SPMAP2L: variants seen among roughly 807,000 people sequenced by gnomAD.
SPMAP2L encodes the protein sperm microtubule associated protein 2 like.
the SPMAP2L span, among the ~76,000 whole-genome samples, chr4:56,546,199 G>A: frequency 6.6e-6 from 1 of 152,148 alleles, no homozygotes; most frequent in Non-Finnish European, 1.5e-5. Context: ...ACTGTGCAGA[G>A]TGCTTTCCTT....
At chr4:56,536,396 C>T in the SPMAP2L span, among the ~76,000 whole-genome samples, 1 of 152,218 alleles carries the variant, frequency 6.6e-6, no homozygotes, top group African/African-American at 2.4e-5. Flanking sequence ...AATAACTTGT[C>T]ATCTCCTTTT....
the SPMAP2L span, among the ~76,000 whole-genome samples, chr4:56,579,467 T>A: frequency 7.1e-6 from 1 of 140,738 alleles, no homozygotes; most frequent in Non-Finnish European, 1.5e-5. Flanking sequence ...TAGCTGTAAA[T>A]GCCTATATTA....
the SPMAP2L span, among the ~76,000 whole-genome samples, chr4:56,565,139 T>C: frequency 6.6e-6 from 1 of 152,220 alleles, no homozygotes; most frequent in African/African-American, 2.4e-5. Context: ...TATTTTGCTG[T>C]AATGGGTAAA....
chr4:56,603,362 C>G, the SPMAP2L span: 9 of 1,415,724 alleles, frequency 6.4e-6, no homozygotes, highest in South Asian at 9.1e-5. Context: ...GGTTATGTAT[C>G]TAGAACACAT....
the SPMAP2L span, among the ~76,000 whole-genome samples, chr4:56,589,298 A>G: frequency 5.9e-5 from 9 of 152,182 alleles, no homozygotes; most frequent in South Asian, 1.7e-3. Context: ...GTATGTGCCT[A>G]TTTTTATACC....
At chr4:56,580,339 A>G in the SPMAP2L span, among the ~76,000 whole-genome samples, 109 of 152,162 alleles carry the variant, frequency 7.2e-4, no homozygotes, top group Non-Finnish European at 7.4e-4. Flanking sequence ...AATCAAAGCA[A>G]TACACTAAAT....
At chr4:56,559,805 G>A in the SPMAP2L span, among the ~76,000 whole-genome samples, 5 of 152,134 alleles carry the variant, frequency 3.3e-5, no homozygotes, top group Admixed American at 2.6e-4. Context: ...CTGACATTGT[G>A]ACCTGCCTGC....
chr4:56,565,147 A>G, the SPMAP2L span, among the ~76,000 whole-genome samples: 1 of 152,208 alleles, frequency 6.6e-6, no homozygotes, highest in Middle Eastern at 3.2e-3. Flanking sequence ...TGTAATGGGT[A>G]AAGTGTTCTA....
chr4:56,613,412 T>G, the SPMAP2L span, among the ~76,000 whole-genome samples: 2 of 152,008 alleles, frequency 1.3e-5, no homozygotes, highest in Non-Finnish European at 2.9e-5. Context: ...TGGCTTGGTA[T>G]GGTGGGGAGC....
the SPMAP2L span, among the ~76,000 whole-genome samples, chr4:56,543,638 G>A: frequency 6.6e-6 from 1 of 152,016 alleles, no homozygotes; most frequent in Non-Finnish European, 1.5e-5. Flanking sequence ...GTTGCAGTGA[G>A]CCAATTGCGC....
the SPMAP2L span, among the ~76,000 whole-genome samples, chr4:56,583,326 T>C: frequency 6.6e-6 from 1 of 151,864 alleles, no homozygotes; most frequent in African/African-American, 2.4e-5. Flanking sequence ...GGCCAATCCA[T>C]AGATCCAAAT....
the SPMAP2L span, among the ~76,000 whole-genome samples, chr4:56,566,790 G>A: frequency 7.3e-6 from 1 of 136,200 alleles, no homozygotes; most frequent in South Asian, 2.4e-4. Flanking sequence ...TCCGCCTCCC[G>A]GGTTCAAGCG....
the SPMAP2L span, among the ~76,000 whole-genome samples, chr4:56,545,204 A>T: frequency 0.024 from 3,670 of 152,252 alleles, 145 homozygotes; most frequent in African/African-American, 0.077. Context: ...CCTGGTAGAA[A>T]GCTCTGATAC....
chr4:56,619,783 T>C, the SPMAP2L span, among the ~76,000 whole-genome samples: 41,021 of 152,022 alleles, frequency 0.27, 7,526 homozygotes, highest in African/African-American at 0.52. Flanking sequence ...GAAAAGGCAA[T>C]CCGTGAAGTG....
the SPMAP2L span, among the ~76,000 whole-genome samples, chr4:56,573,732 T>C: frequency 1.3e-5 from 2 of 151,982 alleles, no homozygotes; most frequent in South Asian, 4.1e-4. Context: ...TGGGTGTGGG[T>C]AGGTGAGTCA....
chr4:56,596,537 T>C, the SPMAP2L span: 2 of 1,533,108 alleles, frequency 1.3e-6, no homozygotes, highest in Non-Finnish European at 8.7e-7. Context: ...CTGAGTGCGA[T>C]TGCAACTCCA....
At chr4:56,620,180 A>G in the SPMAP2L span, among the ~76,000 whole-genome samples, 1 of 152,354 alleles carries the variant, frequency 6.6e-6, no homozygotes, top group South Asian at 2.1e-4. Flanking sequence ...CAAGGAAAGG[A>G]AAGTCAGGAC....
At chr4:56,595,339 A>G in the SPMAP2L span, 4 of 1,609,084 alleles carry the variant, frequency 2.5e-6, no homozygotes, top group South Asian at 3.3e-5. Context: ...CGCCCCTATC[A>G]TGCCCTGGCC....
At chr4:56,546,105 A>T in the SPMAP2L span, among the ~76,000 whole-genome samples, 1 of 152,072 alleles carries the variant, frequency 6.6e-6, no homozygotes, top group African/African-American at 2.4e-5. Context: ...CATTTTTTTT[A>T]ATTCACAGAA....
Sources: allele counts gnomAD v4.1 joint callset (sites outside exome capture counted in the v4.1 genomes callset), GRCh38; gene constraint gnomAD v4.1.1; transcripts MANE v1.5; gene names NCBI Gene and HGNC (gene_info 2026-07-23, HGNC 2026-07-21).